PPIL3: variants seen among roughly 807,000 people sequenced by gnomAD.
PPIL3 encodes peptidyl-prolyl cis-trans isomerase-like 3.
In PPIL3, 13 loss-of-function variants were observed where a neutral mutation model predicts 20.9. That is an observed-to-expected ratio of 0.62 (90% CI 0.40 to 0.99). The LOEUF is 0.99. PPIL3 is among the 50% of genes least tolerant of loss of function. The pLI is 0.00. For missense variants in PPIL3, 170 were observed against 195.2 expected, an observed-to-expected ratio of 0.87 and a Z score of 0.77; for synonymous variants, 71 against 64.4, an observed-to-expected ratio of 1.10 and a Z score of -0.49.
chr2:200,878,381 T>C (rs1025306578), intron 5 of PPIL3, among the ~76,000 whole-genome samples: 1 of 151,656 alleles, frequency 6.6e-6, no homozygotes, highest in African/African-American at 2.4e-5. Flanking sequence ...CTTTTTTTTT[T>C]CATTTTTTCA....
chr2:200,875,553 A>C (rs2039480756), intron 6 of PPIL3, among the ~76,000 whole-genome samples: 1 of 151,586 alleles, frequency 6.6e-6, no homozygotes, highest in Non-Finnish European at 1.5e-5. Flanking sequence ...GGTGTGAGCC[A>C]CCGCACCCGG....
chr2:200,875,011 G>A (rs1275354972), intron 6 of PPIL3, among the ~76,000 whole-genome samples: 1 of 152,164 alleles, frequency 6.6e-6, no homozygotes, highest in African/African-American at 2.4e-5. Context: ...CTCTAGAATT[G>A]TGCCTTGGTT....
chr2:200,871,611 A>G, intron 6 of PPIL3, 90 bp from the exon 7 acceptor site: 1 of 1,168,674 alleles, frequency 8.6e-7, no homozygotes, highest in Non-Finnish European at 1.2e-6. Flanking sequence ...CTTAAAAAAT[A>G]ATCAAGTCTT....
At chr2:200,888,369 T>G (rs1484344656) in intron 1 of PPIL3, 2 of 152,774 alleles carry the variant, frequency 1.3e-5, no homozygotes, top group African/African-American at 4.8e-5. Context: ...CCTTCAGCCC[T>G]AGGACATTCC....
At chr2:200,888,219 T>C (rs1341630909) in intron 1 of PPIL3, 2 of 152,086 alleles carry the variant, frequency 1.3e-5, no homozygotes, top group Non-Finnish European at 2.9e-5. Context: ...ATACCTTCCC[T>C]TAGGGTCCAG....
chr2:200,877,322 C>G (rs1177803723), intron 5 of PPIL3, among the ~76,000 whole-genome samples: 2 of 152,192 alleles, frequency 1.3e-5, no homozygotes, highest in Non-Finnish European at 2.9e-5. Context: ...ACCAACTTCT[C>G]TCTATTAGGG....
chr2:200,885,612 G>T, intron 3 of PPIL3, 86 bp downstream of exon 3: 1 of 878,124 alleles, frequency 1.1e-6, no homozygotes, highest in Non-Finnish European at 1.8e-6. Context: ...AAGTTTTGTT[G>T]TTGTTATTTA....
intron 5 of PPIL3, 52 bp from the exon 6 acceptor site, chr2:200,877,089 ATATAG>A: frequency 8.4e-7 from 1 of 1,190,682 alleles, no homozygotes; most frequent in Non-Finnish European, 1.3e-6. Flanking sequence ...ACCATCCCAA[ATATAG>A]TATTGAAACA....
chr2:200,879,955 GA>G (rs1378898708), intron 5 of PPIL3, among the ~76,000 whole-genome samples: 1 of 152,152 alleles, frequency 6.6e-6, no homozygotes, highest in Admixed American at 6.5e-5. Flanking sequence ...ATTCATTCAG[GA>G]AAAAGTTGAC....
At chr2:200,882,497 A>C in intron 3 of PPIL3, 62 bp from the exon 4 acceptor site, 1 of 1,008,964 alleles carries the variant, frequency 9.9e-7, no homozygotes, top group Non-Finnish European at 1.6e-6. Flanking sequence ...ACAAAAAACC[A>C]ATCATATTTA....
intron 2 of PPIL3, among the ~76,000 whole-genome samples, 154 bp downstream of exon 2, chr2:200,887,458 AT>A (rs1414773334): frequency 6.6e-6 from 1 of 150,422 alleles, no homozygotes; most frequent in East Asian, 2.0e-4. Context: ...AATTTTGTGT[AT>A]TTTTTAAAAG....
intron 5 of PPIL3, among the ~76,000 whole-genome samples, chr2:200,877,994 A>C (rs933856504): frequency 3.3e-5 from 5 of 152,230 alleles, no homozygotes; most frequent in African/African-American, 1.2e-4. Flanking sequence ...GTAATACACT[A>C]CAACTCCACC....
chr2:200,882,488 C>CA (rs1026158852), intron 3 of PPIL3, 53 bp from the exon 4 acceptor site: 56 of 1,075,444 alleles, frequency 5.2e-5, no homozygotes, highest in Non-Finnish European at 7.5e-5. Context: ...CCAGTTAAGA[C>CA]AAAAAACCAA....
rs1290065649 is a variant in PPIL3 at position 200,876,780 on chromosome 2, C to T, written c.359+139G>A. 1.0e-5 allele frequency: 7 copies of T among 689,200 alleles called. 1 individual carries two copies. The highest frequency in any genetic ancestry group is 3.3e-4 in the Middle Eastern group (1 of 2,990). The allele number at this position is 689,200 out of a possible 1,614,324, so 42.7% of individuals were successfully genotyped here. On this transcript the variant is annotated intron_variant, in intron 6 of 6. Transcript: ENST00000392283. Reference sequence around the variant, plus strand: ...TCAGACAATCTGCCCACCTTGGCCTCCCAAAGTGCTGGGATTACAGGTGTG... The same window carrying T: ...TCAGACAATCTGCCCACCTTGGCCTTCCAAAGTGCTGGGATTACAGGTGTG...
At position 200,874,000 on chromosome 2, in the gene PPIL3, T is replaced by C. The variant is rs560625397; in HGVS notation, c.360-2479A>G. ...GCGGGCGGATCACGAGGTCGGGAGATTGAGACCATCCTGGCTAACATGGTG... is the reference window on the plus strand; with the variant it reads ...GCGGGCGGATCACGAGGTCGGGAGACTGAGACCATCCTGGCTAACATGGTG... On this transcript the variant is annotated intron_variant, in intron 6 of 6. Coordinates refer to ENST00000392283, the MANE Select transcript of PPIL3 (RefSeq NM_130906.3). 5.6e-3 allele frequency among the ~76,000 whole-genome samples: 847 copies of C among 151,410 alleles called. 7 individuals are homozygous for C. The highest frequency in any genetic ancestry group is 0.034 in the Middle Eastern group (10 of 292).
Position 200,871,322 on chromosome 2 carries a change from T to C in PPIL3, c.*73A>G. ...CAGAAGGATGATGCAATCTCTGACATAATTAAAACCGGGTAAACCACAATA... is the reference window on the plus strand; with the variant it reads ...CAGAAGGATGATGCAATCTCTGACACAATTAAAACCGGGTAAACCACAATA... On this transcript the variant is annotated 3_prime_UTR_variant, in exon 7 of 7. Coordinates refer to ENST00000392283, the MANE Select transcript of PPIL3 (RefSeq NM_130906.3). 1 of 1,446,534 alleles carries C rather than the reference T, an allele frequency of 6.9e-7. No homozygotes were observed. The highest frequency in any genetic ancestry group is 9.4e-7 in the Non-Finnish European group (1 of 1,059,224). The allele number at this position is 1,446,534 out of a possible 1,614,324, so 89.6% of individuals were successfully genotyped here. A position where few individuals can be genotyped will look rare whatever the true frequency, so the allele number is the denominator to read the frequency against.
chr2:200,879,534 T>C (rs12995768), intron 5 of PPIL3, among the ~76,000 whole-genome samples: 1 of 152,116 alleles, frequency 6.6e-6, no homozygotes, highest in South Asian at 2.1e-4. Flanking sequence ...CCATGATCTG[T>C]TATAGTTTTA....
chr2:200,884,151 G>GCCTATAATCC (rs757626765), intron 3 of PPIL3, among the ~76,000 whole-genome samples: 6 of 151,910 alleles, frequency 3.9e-5, no homozygotes, highest in African/African-American at 1.5e-4. Flanking sequence ...GTGGCTTTGG[G>GCCTATAATCC]CAGCACTTTG....
chr2:200,887,379 C>CA (rs770510276), intron 2 of PPIL3, among the ~76,000 whole-genome samples: 3,624 of 50,066 alleles, frequency 0.072, 79 homozygotes, highest in African/African-American at 0.097. Flanking sequence ...GAGTGAAACT[C>CA]AAAAAAAAAA....
Sources: gnomAD v4.1 joint callset for allele counts (sites outside exome capture counted in the v4.1 genomes callset) on GRCh38, gnomAD v4.1.1 for gene constraint, MANE v1.5 for transcripts, NCBI Gene and HGNC (gene_info 2026-07-23, HGNC 2026-07-21) for gene names.